SLC35B4: variants seen among roughly 807,000 people sequenced by gnomAD.
SLC35B4 encodes solute carrier family 35 member B4, also known as nucleotide sugar transporter SLC35B4.
Under a neutral mutation model 39.5 loss-of-function variants are expected in SLC35B4, and 28 were observed. The ratio of observed to expected loss-of-function variants is 0.71; its 90% confidence interval spans 0.53 to 0.97. The LOEUF is 0.97. Ranked by LOEUF, SLC35B4 falls within the 50% of genes least tolerant of loss-of-function variation. SLC35B4 has a pLI of 0.00. For missense variants in SLC35B4, 334 were observed against 414.3 expected (o/e 0.81, Z 1.68); for synonymous variants, 145 against 150.4 (o/e 0.96, Z 0.26).
rs1459321387 is a variant in SLC35B4 at position 134,291,303 on chromosome 7, G to A, written c.*3530C>T. On this transcript the variant is annotated 3_prime_UTR_variant, in exon 10 of 10. Coordinates refer to ENST00000378509, the MANE Select transcript of SLC35B4 (RefSeq NM_032826.5). The stretch of plus-strand genomic sequence containing the variant: ...AATGTACCCCCCAATATCAATGCTT[G>A]TAAGAATGTATAACAAAATACACGC... 1 of 152,150 alleles carries A rather than the reference G, an allele frequency of 6.6e-6. No individual in the cohort carries two copies. 9.4% of individuals were successfully genotyped at this position (152,150 alleles called of 1,614,324 possible).
intron 1 of SLC35B4, among the ~76,000 whole-genome samples, chr7:134,316,070 G>A (rs1225980192): frequency 1.3e-5 from 2 of 151,764 alleles, no homozygotes; most frequent in African/African-American, 4.8e-5. Flanking sequence ...ATAAAAATCT[G>A]TTCTACCGCA....
In SLC35B4 at chr7:134,298,144, C is replaced by T. The variant is rs184795253; in HGVS notation, c.673+1379G>A. On this transcript the variant is annotated intron_variant, in intron 8 of 9. Coordinates refer to ENST00000378509, the MANE Select transcript of SLC35B4 (RefSeq NM_032826.5). Reference sequence around the variant, plus strand: ...AAAATGTCTCATATATACATACACACGCATACACATAAAGACTAATTTTTG... The same window carrying T: ...AAAATGTCTCATATATACATACACATGCATACACATAAAGACTAATTTTTG... 3.2e-3 allele frequency among the ~76,000 whole-genome samples: 486 copies of T among 152,232 alleles called. 2 individuals are homozygous for T. Among genetic ancestry groups the T allele is most frequent in the African/African-American group, 0.011 (446 of 41,520 alleles).
chr7:134,302,870 C>T (rs939937392), intron 4 of SLC35B4, among the ~76,000 whole-genome samples: 1 of 152,038 alleles, frequency 6.6e-6, no homozygotes, highest in African/African-American at 2.4e-5. Flanking sequence ...GCAGAACTAG[C>T]TAATGGGCAG....
intron 8 of SLC35B4, among the ~76,000 whole-genome samples, chr7:134,298,357 A>G (rs113002214): frequency 0.026 from 4,012 of 152,324 alleles, 116 homozygotes; most frequent in African/African-American, 0.067. Flanking sequence ...ACAGATATTT[A>G]GCTCTCTTGG....
In SLC35B4 at chr7:134,294,732, G is replaced by C; in HGVS notation, c.*101C>G. The C allele has an allele frequency of 6.8e-7, 1 of 1,474,156 alleles. No individual in the cohort carries two copies. The highest frequency in any genetic ancestry group is 9.2e-7 in the Non-Finnish European group (1 of 1,086,010). The allele number at this position is 1,474,156 out of a possible 1,614,324, so 91.3% of individuals were successfully genotyped here. On this transcript the variant is annotated 3_prime_UTR_variant, in exon 10 of 10. Coordinates refer to ENST00000378509, the MANE Select transcript of SLC35B4 (RefSeq NM_032826.5). ...GATTTCCTTTTGCACGGCTGGCTCA[G>C]CACTGCGGGTAGCTCGGCATTAACA... is the stretch of plus-strand genomic sequence containing the variant.
At chr7:134,320,135 C>A (rs9641970), upstream of SLC35B4, among the ~76,000 whole-genome samples, 53,826 of 152,090 alleles carry the variant, frequency 0.35, 11,191 homozygotes, top group South Asian at 0.49. Flanking sequence ...ATAAAAAAAC[C>A]CACACACTGT....
At chr7:134,305,966 G>T (rs1291059593) in intron 3 of SLC35B4, among the ~76,000 whole-genome samples, 1 of 152,152 alleles carries the variant, frequency 6.6e-6, no homozygotes, top group African/African-American at 2.4e-5. Flanking sequence ...ACTGTGCACA[G>T]CCCCTGACCA....
chr7:134,299,394 G>A, intron 8 of SLC35B4, 129 bp downstream of exon 8: 2 of 571,244 alleles, frequency 3.5e-6, no homozygotes, highest in Non-Finnish European at 5.9e-6. Context: ...AAAGTGGAAT[G>A]GAGACATTTT....
intron 1 of SLC35B4, among the ~76,000 whole-genome samples, chr7:134,312,275 A>G (rs945966327): frequency 6.6e-6 from 1 of 152,182 alleles, no homozygotes; most frequent in Non-Finnish European, 1.5e-5. Context: ...AGTGCCAAGC[A>G]CAAGAGGTAA....
chr7:134,314,736 A>G (rs190273254), intron 1 of SLC35B4, among the ~76,000 whole-genome samples: 1 of 152,048 alleles, frequency 6.6e-6, no homozygotes, highest in African/African-American at 2.4e-5. Flanking sequence ...GGGTCTTACC[A>G]TATTGGCCAG....
At chr7:134,310,561 T>C (rs1049503942) in intron 1 of SLC35B4, among the ~76,000 whole-genome samples, 2 of 151,710 alleles carry the variant, frequency 1.3e-5, no homozygotes, top group Non-Finnish European at 2.9e-5. Flanking sequence ...TTTTTTTTTT[T>C]TGAGACAGAG....
At chr7:134,320,144 G>A (rs975061100), upstream of SLC35B4, among the ~76,000 whole-genome samples, 2 of 152,190 alleles carry the variant, frequency 1.3e-5, no homozygotes, top group Admixed American at 1.3e-4. Flanking sequence ...CCCACACACT[G>A]TATTTCTCAC....
intron 4 of SLC35B4, among the ~76,000 whole-genome samples, chr7:134,303,832 C>G (rs2598292): frequency 0.5 from 76,632 of 151,886 alleles, 19,873 homozygotes; most frequent in African/African-American, 0.6. Context: ...GAGGGGTGAA[C>G]CTCAGAATGA....
chr7:134,296,224 C>T (rs1323996668), intron 9 of SLC35B4, among the ~76,000 whole-genome samples, 167 bp downstream of exon 9: 2 of 152,182 alleles, frequency 1.3e-5, no homozygotes, highest in South Asian at 2.1e-4. Flanking sequence ...TCTCTTCTGC[C>T]CTCTACAAGG....
Position 134,292,876 on chromosome 7 carries a change from G to A in SLC35B4, c.*1957C>T, listed in dbSNP as rs1370129155. The stretch of plus-strand genomic sequence containing the variant: ...CTCTAGAAAGCTGTCAATGTCCAGA[G>A]CAACACATTATTACTCTGTAAACTC... On this transcript the variant is annotated 3_prime_UTR_variant, in exon 10 of 10. Coordinates refer to ENST00000378509, the MANE Select transcript of SLC35B4 (RefSeq NM_032826.5). The A allele has an allele frequency of 4.6e-5, 7 of 152,118 alleles. No individual in the cohort carries two copies. Among genetic ancestry groups the A allele is most frequent in the Non-Finnish European group, 1.0e-4 (7 of 68,018 alleles). 9.4% of individuals were successfully genotyped at this position (152,118 alleles called of 1,614,324 possible).
At chr7:134,298,899 CT>C (rs1259178528) in intron 8 of SLC35B4, among the ~76,000 whole-genome samples, 1 of 152,228 alleles carries the variant, frequency 6.6e-6, no homozygotes, top group Non-Finnish European at 1.5e-5. Flanking sequence ...ATATTATACT[CT>C]GTTAGTAGAT....
intron 3 of SLC35B4, among the ~76,000 whole-genome samples, chr7:134,305,102 A>T (rs1803676540): frequency 6.6e-6 from 1 of 152,188 alleles, no homozygotes; most frequent in African/African-American, 2.4e-5. Context: ...TGGGCGGATC[A>T]CCTGAGGTCA....
chr7:134,289,679 A>T lies in SLC35B4; in HGVS notation c.*5154T>A, dbSNP rs1233089613. 6.6e-6 allele frequency: 1 copy of T among 152,586 alleles called. No individual in the cohort carries two copies. The highest frequency in any genetic ancestry group is 1.5e-5 in the Non-Finnish European group (1 of 68,032). The allele number at this position is 152,586 out of a possible 1,614,324, so 9.5% of individuals were successfully genotyped here. On this transcript the variant is annotated 3_prime_UTR_variant, in exon 10 of 10. Transcript: ENST00000378509. ...TCTGGAATGAAAGCAACTGGCACAG[A>T]AATGACTGGCAATCGCAAGTGATAC...
intron 1 of SLC35B4, among the ~76,000 whole-genome samples, chr7:134,311,112 C>T (rs2117315974): frequency 6.6e-6 from 1 of 152,306 alleles, no homozygotes; most frequent in East Asian, 1.9e-4. Flanking sequence ...AGCTCTGCTG[C>T]CTATGAAGGT....
Sources: gnomAD v4.1 joint callset for allele counts (sites outside exome capture counted in the v4.1 genomes callset) on GRCh38, gnomAD v4.1.1 for gene constraint, MANE v1.5 for transcripts, NCBI Gene and HGNC (gene_info 2026-07-23, HGNC 2026-07-21) for gene names.